The following SPTSSB variants were observed in gnomAD, a reference collection of about 807,000 sequenced individuals.
SPTSSB encodes androgen down regulated in mouse prostate.
A neutral mutation model predicts 7.7 loss-of-function variants in SPTSSB; 6 were observed. The observed-to-expected ratio is 0.78, with a 90% CI of 0.43 to 1.54. The LOEUF (loss-of-function observed/expected upper bound fraction) is 1.54. Among genes scored for constraint, SPTSSB ranks in the 40% most tolerant of loss-of-function variants. SPTSSB has a pLI of 0.01. For missense variants in SPTSSB, 91 were observed against 93.0 expected (o/e 0.98, Z 0.09); for synonymous variants, 28 against 29.7 (o/e 0.94, Z 0.19).
intron 1 of SPTSSB, among the ~76,000 whole-genome samples, chr3:161,369,506 CAT>C (rs1715414473): frequency 6.8e-6 from 1 of 146,774 alleles, no homozygotes; most frequent in Non-Finnish European, 1.5e-5. Flanking sequence ...AACACCTTCT[CAT>C]GTGTAAATTG....
Position 161,346,349 on chromosome 3 carries a change from G to A in SPTSSB, c.-26C>T. 6.7e-7 allele frequency: 1 copy of A among 1,501,784 alleles called. No homozygotes were observed. Among genetic ancestry groups the A allele is most frequent in the Non-Finnish European group, 9.3e-7 (1 of 1,077,858 alleles). 93.0% of individuals were successfully genotyped at this position (1,501,784 alleles called of 1,614,324 possible). ...GGTTGGCTCCTTCAAGCTGCAGTAA[G>A]TTTGTCCTGTTAAAGAATGTAACAG... On this transcript the variant is annotated 5_prime_UTR_variant, in exon 3 of 3. Transcript: ENST00000620149.
intron 1 of SPTSSB, among the ~76,000 whole-genome samples, chr3:161,366,331 A>G (rs1213377325): frequency 1.3e-5 from 2 of 152,224 alleles, no homozygotes; most frequent in Non-Finnish European, 2.9e-5. Context: ...TCGCGAGAGC[A>G]GGTGTTGGGT....
At chr3:161,363,603 A>G (rs1674264538) in intron 1 of SPTSSB, among the ~76,000 whole-genome samples, 1 of 152,020 alleles carries the variant, frequency 6.6e-6, no homozygotes, top group Admixed American at 6.6e-5. Flanking sequence ...AATATAGACA[A>G]CCATAATTTT....
At chr3:161,366,107 G>A (rs1455280422) in intron 1 of SPTSSB, among the ~76,000 whole-genome samples, 5 of 152,152 alleles carry the variant, frequency 3.3e-5, no homozygotes, top group African/African-American at 1.2e-4. Context: ...TGGGGAACTA[G>A]TTCTTAATTA....
intron 1 of SPTSSB, among the ~76,000 whole-genome samples, chr3:161,369,852 G>A (rs1400604540): frequency 6.6e-6 from 1 of 152,168 alleles, no homozygotes; most frequent in Non-Finnish European, 1.5e-5. Context: ...ATATATTGTG[G>A]TTCAAGCATC....
chr3:161,364,058 G>A (rs1715119528), intron 1 of SPTSSB, among the ~76,000 whole-genome samples: 1 of 152,072 alleles, frequency 6.6e-6, no homozygotes, highest in African/African-American at 2.4e-5. Context: ...ATTAGCCAAG[G>A]CAGTAAAAAA....
In SPTSSB at chr3:161,365,975, T is replaced by G. The variant is rs1007017478; in HGVS notation, c.-126+5460A>C. On this transcript the variant is annotated intron_variant, in intron 1 of 2. Transcript: ENST00000620149. ...TTTTCAGTTGGTCTGTGGGATTTGA[T>G]GCTCTGCTCACTTTCCATAGTTCTG... 9.2e-5 allele frequency among the ~76,000 whole-genome samples: 14 copies of G among 152,324 alleles called. No individual in the cohort carries two copies. In the South Asian group the frequency reaches 1.0e-3, roughly 11 times the overall value.
At chr3:161,357,064 G>A (rs144014671) in intron 2 of SPTSSB, among the ~76,000 whole-genome samples, 135 of 152,312 alleles carry the variant, frequency 8.9e-4, no homozygotes, top group African/African-American at 2.9e-3. Flanking sequence ...CACGCATAGC[G>A]TTGATAAGGT....
At position 161,353,424 on chromosome 3, in the gene SPTSSB, T is replaced by G. The variant is rs911055205; in HGVS notation, c.-33+6378A>C. On this transcript the variant is annotated intron_variant, in intron 2 of 2. Coordinates refer to ENST00000620149, the MANE Select transcript of SPTSSB (RefSeq NM_001040100.2). ...TTTGCTAATTGAATCATCTAGTACC[T>G]TAAAATAAATAAATAAATACACACG... Among the ~76,000 whole-genome samples the G allele has an allele frequency of 3.3e-5, 5 of 152,202 alleles. No homozygotes were observed. In the East Asian group the frequency reaches 9.6e-4, roughly 29 times the overall value.
intron 1 of SPTSSB, among the ~76,000 whole-genome samples, chr3:161,368,179 C>G (rs900250507): frequency 2.0e-5 from 3 of 152,206 alleles, no homozygotes; most frequent in African/African-American, 7.2e-5. Context: ...TCAAATGGCA[C>G]ATGCGGATTC....
At chr3:161,362,956 TA>T (rs1452520602) in intron 1 of SPTSSB, among the ~76,000 whole-genome samples, 1 of 151,958 alleles carries the variant, frequency 6.6e-6, no homozygotes, top group Non-Finnish European at 1.5e-5. Flanking sequence ...TATTTACAAA[TA>T]TATATATTTA....
intron 1 of SPTSSB, among the ~76,000 whole-genome samples, chr3:161,362,644 C>G (rs1170233202): frequency 6.6e-6 from 1 of 152,034 alleles, no homozygotes; most frequent in Non-Finnish European, 1.5e-5. Flanking sequence ...ATTGCTTAAA[C>G]AGTTGCCTTG....
intron 2 of SPTSSB, among the ~76,000 whole-genome samples, chr3:161,354,061 TA>T (rs1714662659): frequency 1.3e-5 from 2 of 152,268 alleles, no homozygotes; most frequent in African/African-American, 4.8e-5. Context: ...CGAACAACCA[TA>T]GGGCAATTAA....
At chr3:161,365,832 G>A (rs551941412) in intron 1 of SPTSSB, among the ~76,000 whole-genome samples, 1 of 152,202 alleles carries the variant, frequency 6.6e-6, no homozygotes, top group South Asian at 2.1e-4. Flanking sequence ...AGAAAGCTGC[G>A]GCACCCATTA....
chr3:161,371,309 C>T, intron 1 of SPTSSB, 126 bp downstream of exon 1: 1 of 599,676 alleles, frequency 1.7e-6, no homozygotes, highest in Non-Finnish European at 2.1e-6. Flanking sequence ...AATTGTAATG[C>T]AGTTAAATAA....
intron 2 of SPTSSB, among the ~76,000 whole-genome samples, chr3:161,351,541 A>C (rs1355475517): frequency 6.6e-6 from 1 of 152,276 alleles, no homozygotes; most frequent in South Asian, 2.1e-4. Flanking sequence ...CACAATAAAG[A>C]GGAAAAATAC....
intron 1 of SPTSSB, among the ~76,000 whole-genome samples, chr3:161,360,270 A>G (rs1349763825): frequency 6.6e-6 from 1 of 152,170 alleles, no homozygotes; most frequent in African/African-American, 2.4e-5. Flanking sequence ...TTGTTTGTAG[A>G]AAATATTTCT....
At chr3:161,362,753 A>G (rs1042713547) in intron 1 of SPTSSB, among the ~76,000 whole-genome samples, 2 of 152,050 alleles carry the variant, frequency 1.3e-5, no homozygotes, top group African/African-American at 2.4e-5. Context: ...TTTAACATAT[A>G]TTATTCATAA....
Position 161,346,124 on chromosome 3 carries a change from A to T in SPTSSB, c.200T>A (p.Ile67Lys). ...IRLAWEFFSKICGYHSTISN is the reference protein window; with the variant it reads ...IRLAWEFFSKKCGYHSTISN ...AGAAATTGTACTGTGATATCCACAT[A>T]TTTTTGAGAAAAATTCCCAAGCCAG... The change falls in exon 3 of 3, where the codon ATA (isoleucine) becomes AAA (lysine). Residue 67 changes from isoleucine to lysine, a missense_variant. Coordinates refer to ENST00000620149, the MANE Select transcript of SPTSSB (RefSeq NM_001040100.2). The T allele has an allele frequency of 1.2e-6, 2 of 1,602,676 alleles. No individual in the cohort carries two copies. Among genetic ancestry groups the T allele is most frequent in the Non-Finnish European group, 1.7e-6 (2 of 1,169,514 alleles).
Sources: gnomAD v4.1 joint callset for allele counts (sites outside exome capture counted in the v4.1 genomes callset) on GRCh38, gnomAD v4.1.1 for gene constraint, MANE v1.5 for transcripts, NCBI Gene and HGNC (gene_info 2026-07-23, HGNC 2026-07-21) for gene names.